SPIRE1: variants seen among roughly 807,000 people sequenced by gnomAD.
SPIRE1 encodes spire type actin nucleation factor 1, also known as protein spire homolog 1.
SPIRE1 carries 40 observed loss-of-function variants against 94.1 expected under a neutral mutation model. The ratio of observed to expected loss-of-function variants is 0.43; its 90% confidence interval spans 0.33 to 0.55. SPIRE1 has a LOEUF of 0.55. SPIRE1 is among the 20% of genes least tolerant of loss of function. SPIRE1 has a pLI of 0.06. For missense variants in SPIRE1, 838 were observed against 975.2 expected, an observed-to-expected ratio of 0.86 and a Z score of 1.87; for synonymous variants, 376 against 371.7, an observed-to-expected ratio of 1.01 and a Z score of -0.13.
intron 2 of SPIRE1, among the ~76,000 whole-genome samples, chr18:12,565,226 A>AT (rs1197760763): frequency 6.6e-6 from 1 of 152,252 alleles, no homozygotes; most frequent in Non-Finnish European, 1.5e-5. Flanking sequence ...AAAGATAAGA[A>AT]TTACATTTCA....
At chr18:12,652,100 CAT>C (rs1236319796) in intron 1 of SPIRE1, among the ~76,000 whole-genome samples, 7 of 152,210 alleles carry the variant, frequency 4.6e-5, no homozygotes, top group African/African-American at 1.7e-4. Context: ...TGAGACCACA[CAT>C]GATTCTAATC....
At chr18:12,629,512 G>A (rs551726523) in intron 2 of SPIRE1, among the ~76,000 whole-genome samples, 1 of 152,310 alleles carries the variant, frequency 6.6e-6, no homozygotes, top group East Asian at 1.9e-4. Flanking sequence ...AGTCTGAGCT[G>A]TGAGCCACTA....
rs545877434 is a variant in SPIRE1 at position 12,616,062 on chromosome 18, T to C, written c.372+19000A>G. Among the ~76,000 whole-genome samples, 17 of 152,266 alleles carry C rather than the reference T, an allele frequency of 1.1e-4. No individual in the cohort carries two copies. In the South Asian group the frequency reaches 3.5e-3, roughly 32 times the overall value. On this transcript the variant is annotated intron_variant, in intron 2 of 16. Coordinates refer to ENST00000409402, the MANE Select transcript of SPIRE1 (RefSeq NM_001128626.2). ...TTTTTTTTTTCCAGGAATAGAGGTA[T>C]TAACAAGCTCTTTGAAGAGAAATTT...
chr18:12,613,535 A>G (rs915675705), intron 2 of SPIRE1, among the ~76,000 whole-genome samples: 4 of 152,248 alleles, frequency 2.6e-5, no homozygotes, highest in African/African-American at 7.2e-5. Flanking sequence ...TGAGAAGTGC[A>G]GAAGCATAAA....
rs374711810 is a variant in SPIRE1 at position 12,602,820 on chromosome 18, T to A, written c.372+32242A>T. 3.5e-4 allele frequency among the ~76,000 whole-genome samples: 53 copies of A among 152,326 alleles called. 1 individual carries two copies. The South Asian group carries it at 0.011, about 32-fold the overall frequency. ...AAACACTGCCTGCTCAGGGATTGGATCTATAGCTCTAATATCGCTGTAGGA... is the reference window on the plus strand; with the variant it reads ...AAACACTGCCTGCTCAGGGATTGGAACTATAGCTCTAATATCGCTGTAGGA... On this transcript the variant is annotated intron_variant, in intron 2 of 16. Transcript: ENST00000409402.
intron 10 of SPIRE1, 71 bp from the exon 11 acceptor site, chr18:12,465,029 A>G: frequency 7.7e-7 from 1 of 1,306,746 alleles, no homozygotes; most frequent in Admixed American, 2.0e-5. Context: ...ATAACATTTT[A>G]TTATTAAACA....
chr18:12,592,725 G>A (rs1041471372), intron 2 of SPIRE1, among the ~76,000 whole-genome samples: 1 of 152,144 alleles, frequency 6.6e-6, no homozygotes, highest in African/African-American at 2.4e-5. Flanking sequence ...TTAGGTAGAC[G>A]ACAAAGCATC....
intron 5 of SPIRE1, 136 bp downstream of exon 5, chr18:12,512,318 T>A: frequency 1.7e-6 from 1 of 571,962 alleles, no homozygotes; most frequent in East Asian, 3.0e-5. Flanking sequence ...ACCCGGGAGG[T>A]GGGGGTTGCA....
At chr18:12,546,045 A>T (rs1210738348) in intron 3 of SPIRE1, among the ~76,000 whole-genome samples, 2 of 152,108 alleles carry the variant, frequency 1.3e-5, no homozygotes, top group Non-Finnish European at 2.9e-5. Flanking sequence ...GCTGAAGTGC[A>T]GTGGCGTGAT....
At chr18:12,478,865 C>A (rs1367195982) in intron 10 of SPIRE1, among the ~76,000 whole-genome samples, 1 of 152,032 alleles carries the variant, frequency 6.6e-6, no homozygotes, top group Non-Finnish European at 1.5e-5. Context: ...TCCCTCTCCA[C>A]AAGGGGCAGT....
At chr18:12,519,630 A>G (rs1417244621) in intron 4 of SPIRE1, among the ~76,000 whole-genome samples, 3 of 152,262 alleles carry the variant, frequency 2.0e-5, no homozygotes, top group African/African-American at 7.2e-5. Flanking sequence ...AGACAAATTA[A>G]TAAGACCAAT....
chr18:12,625,571 G>T (rs2037598456), intron 2 of SPIRE1, among the ~76,000 whole-genome samples: 1 of 152,224 alleles, frequency 6.6e-6, no homozygotes, highest in African/African-American at 2.4e-5. Flanking sequence ...GATATTTTAA[G>T]ATTTAATTAG....
At chr18:12,556,834 A>T (rs34371240) in intron 2 of SPIRE1, among the ~76,000 whole-genome samples, 9,606 of 152,204 alleles carry the variant, frequency 0.063, 435 homozygotes, top group Non-Finnish European at 0.093. Flanking sequence ...CGAAAGAACA[A>T]AGCTTCCACA....
chr18:12,454,585 G>T, intron 12 of SPIRE1, 102 bp from the exon 13 acceptor site: 3 of 1,112,466 alleles, frequency 2.7e-6, no homozygotes, highest in Non-Finnish European at 4.0e-6. Context: ...CTTCAGAGAA[G>T]AGAACAGGTT....
intron 1 of SPIRE1, among the ~76,000 whole-genome samples, chr18:12,657,086 C>T (rs942918871): frequency 2.6e-5 from 4 of 152,242 alleles, no homozygotes; most frequent in Non-Finnish European, 4.4e-5. Context: ...ACTGAGGATC[C>T]GTGCGGAGCC....
At chr18:12,583,197 C>T (rs1283579146) in intron 2 of SPIRE1, among the ~76,000 whole-genome samples, 1 of 152,168 alleles carries the variant, frequency 6.6e-6, no homozygotes, top group African/African-American at 2.4e-5. Flanking sequence ...GGGCCAGGCT[C>T]AGGTGACTCA....
chr18:12,454,230 T>A (rs1568178997), intron 13 of SPIRE1, 116 bp downstream of exon 13: 3 of 1,209,788 alleles, frequency 2.5e-6, no homozygotes, highest in East Asian at 4.7e-5. Flanking sequence ...ACATCACACA[T>A]CCCAAATCCC....
At chr18:12,552,701 G>C (rs964031634) in intron 2 of SPIRE1, among the ~76,000 whole-genome samples, 14 of 151,998 alleles carry the variant, frequency 9.2e-5, no homozygotes, top group African/African-American at 3.4e-4. Context: ...GCAACCCCCA[G>C]TCACGTACCC....
At position 12,560,998 on chromosome 18, in the gene SPIRE1, C is replaced by T. The variant is rs183100633; in HGVS notation, c.373-14094G>A. Among the ~76,000 whole-genome samples, 4 of 152,252 alleles carry T rather than the reference C, an allele frequency of 2.6e-5. No individual in the cohort carries two copies. In the East Asian group the frequency reaches 7.7e-4, roughly 29 times the overall value. ...AAGAATATAGTTGGATTGTTTGTAACACAAAGGATAAATGCTTGAAGTGAT... is the reference window on the plus strand; with the variant it reads ...AAGAATATAGTTGGATTGTTTGTAATACAAAGGATAAATGCTTGAAGTGAT... On this transcript the variant is annotated intron_variant, in intron 2 of 16. Transcript: ENST00000409402.
Sources: allele counts gnomAD v4.1 joint callset (sites outside exome capture counted in the v4.1 genomes callset), GRCh38; gene constraint gnomAD v4.1.1; transcripts MANE v1.5; gene names NCBI Gene and HGNC (gene_info 2026-07-23, HGNC 2026-07-21).